Variants in RPS6KC1 observed in about 807,000 individuals in gnomAD.
The protein encoded by RPS6KC1 is inactive ribosomal protein S6 kinase delta-1.
In RPS6KC1, 54 loss-of-function variants were observed where a neutral mutation model predicts 103.8. The ratio of observed to expected loss-of-function variants is 0.52; its 90% CI spans 0.42 to 0.65. The LOEUF is 0.65. Among genes scored for constraint, RPS6KC1 ranks in the 30% least tolerant of loss-of-function variants. The pLI, the probability that RPS6KC1 is intolerant of heterozygous loss-of-function variation, is 0.00. For synonymous variants in RPS6KC1, 439 were observed against 438.7 expected (o/e 1.00, Z -0.01); for missense variants, 1,151 against 1,253.8 (o/e 0.92, Z 1.24).
chr1:213,566,567 TG>T, the RPS6KC1 span, among the ~76,000 whole-genome samples: 1 of 149,960 alleles, frequency 6.7e-6, no homozygotes, highest in Non-Finnish European at 1.5e-5. Flanking sequence ...TCTCATATTT[TG>T]CTCCCTTTTT....
At chr1:213,358,757 C>T in the RPS6KC1 span, among the ~76,000 whole-genome samples, 1 of 152,030 alleles carries the variant, frequency 6.6e-6, no homozygotes, top group African/African-American at 2.4e-5. Flanking sequence ...TATGTTGTGT[C>T]TTTGTTCTCG....
At chr1:213,845,388 T>C in the RPS6KC1 span, among the ~76,000 whole-genome samples, 4 of 152,306 alleles carry the variant, frequency 2.6e-5, no homozygotes, top group African/African-American at 4.8e-5. Context: ...CTCACCCCCA[T>C]GCTTTTCAAC....
the RPS6KC1 span, among the ~76,000 whole-genome samples, chr1:213,320,975 G>T: frequency 6.6e-6 from 1 of 152,188 alleles, no homozygotes; most frequent in Admixed American, 6.5e-5. Flanking sequence ...TGACGGTGTG[G>T]GTAGGACCTG....
intron 12 of RPS6KC1, among the ~76,000 whole-genome samples, chr1:213,254,342 AGAT>A (rs1224104828): frequency 1.3e-5 from 2 of 152,362 alleles, no homozygotes; most frequent in African/African-American, 4.8e-5. Flanking sequence ...TTACATTAAA[AGAT>A]GATAATGGTT....
chr1:213,214,534 C>T (rs2093607261), intron 8 of RPS6KC1, among the ~76,000 whole-genome samples: 1 of 152,210 alleles, frequency 6.6e-6, no homozygotes, highest in Admixed American at 6.5e-5. Context: ...AGTAGTGGTT[C>T]TCCCAGCATG....
the RPS6KC1 span, among the ~76,000 whole-genome samples, chr1:213,413,094 T>C: frequency 1.3e-5 from 2 of 152,240 alleles, no homozygotes; most frequent in Non-Finnish European, 2.9e-5. Context: ...TGAATGACGA[T>C]GTGACGGAGT....
At chr1:213,741,175 A>G in the RPS6KC1 span, among the ~76,000 whole-genome samples, 1 of 151,546 alleles carries the variant, frequency 6.6e-6, no homozygotes, top group African/African-American at 2.4e-5. Context: ...GTGTTTTGCT[A>G]TATGTTTACA....
At chr1:213,553,181 G>A in the RPS6KC1 span, among the ~76,000 whole-genome samples, 6 of 151,934 alleles carry the variant, frequency 3.9e-5, no homozygotes, top group South Asian at 2.1e-4. Context: ...CCTTAAGTAG[G>A]CCCTAATGTC....
downstream of RPS6KC1, among the ~76,000 whole-genome samples, chr1:213,275,856 G>A (rs540377410): frequency 2.0e-5 from 3 of 152,170 alleles, no homozygotes; most frequent in East Asian, 1.9e-4. Context: ...TTTGACCAAC[G>A]TCTCCCCTTA....
intron 7 of RPS6KC1, among the ~76,000 whole-genome samples, chr1:213,170,426 G>T (rs1390230909): frequency 6.6e-6 from 1 of 152,164 alleles, no homozygotes; most frequent in African/African-American, 2.4e-5. Flanking sequence ...ACTGTATATA[G>T]AATCAAACTA....
At chr1:213,258,508 A>G (rs2094704644) in intron 12 of RPS6KC1, among the ~76,000 whole-genome samples, 1 of 152,220 alleles carries the variant, frequency 6.6e-6, no homozygotes, top group South Asian at 2.1e-4. Flanking sequence ...CAAAGCATAG[A>G]ATTCTATGGA....
At chr1:213,793,236 C>A in the RPS6KC1 span, among the ~76,000 whole-genome samples, 1 of 152,194 alleles carries the variant, frequency 6.6e-6, no homozygotes, top group Non-Finnish European at 1.5e-5. Context: ...CTTGCTCCAG[C>A]CTCCTTCTCT....
At chr1:213,206,511 C>T (rs1015092897) in intron 8 of RPS6KC1, among the ~76,000 whole-genome samples, 1 of 152,114 alleles carries the variant, frequency 6.6e-6, no homozygotes, top group Non-Finnish European at 1.5e-5. Flanking sequence ...TAAAGCAGCA[C>T]AGAAGAGGCC....
At chr1:213,808,830 G>A in the RPS6KC1 span, among the ~76,000 whole-genome samples, 11 of 152,178 alleles carry the variant, frequency 7.2e-5, no homozygotes, top group Non-Finnish European at 8.8e-5. Flanking sequence ...AGATGAACCC[G>A]GTACCTCAGA....
At chr1:213,105,676 G>A (rs188053802) in intron 4 of RPS6KC1, among the ~76,000 whole-genome samples, 14 of 152,244 alleles carry the variant, frequency 9.2e-5, no homozygotes, top group African/African-American at 2.9e-4. Context: ...ATGATTGACC[G>A]TGTTGCTTAA....
the RPS6KC1 span, among the ~76,000 whole-genome samples, chr1:213,419,305 G>A: frequency 1.3e-5 from 2 of 152,220 alleles, no homozygotes; most frequent in African/African-American, 4.8e-5. Context: ...CAAAGGGGCT[G>A]CCATTAGCTG....
chr1:213,370,359 C>T, the RPS6KC1 span, among the ~76,000 whole-genome samples: 2 of 151,812 alleles, frequency 1.3e-5, no homozygotes, highest in South Asian at 2.1e-4. Flanking sequence ...CTCCTCAGCA[C>T]CTGGTGGAAT....
intron 1 of RPS6KC1, among the ~76,000 whole-genome samples, chr1:213,053,885 G>A (rs958521220): frequency 2.0e-5 from 3 of 151,468 alleles, no homozygotes; most frequent in African/African-American, 7.3e-5. Context: ...TGCCCAGGCT[G>A]GAGTGCAGTG....
chr1:213,668,886 C>A, the RPS6KC1 span, among the ~76,000 whole-genome samples: 13 of 152,308 alleles, frequency 8.5e-5, no homozygotes, highest in African/African-American at 3.1e-4. Context: ...ATGAACCAAC[C>A]TCTGCTGGCT....
Sources: allele counts gnomAD v4.1 joint callset (sites outside exome capture counted in the v4.1 genomes callset), GRCh38; gene constraint gnomAD v4.1.1; transcripts MANE v1.5; gene names NCBI Gene and HGNC (gene_info 2026-07-23, HGNC 2026-07-21).